Variants in TRAK1 observed in about 807,000 individuals in gnomAD.
TRAK1 encodes the protein trafficking kinesin protein 1.
A neutral mutation model predicts 92.1 loss-of-function variants in TRAK1; 33 were observed. That is an observed-to-expected ratio of 0.36 (90% CI 0.27 to 0.48). The LOEUF (loss-of-function observed/expected upper bound fraction) is 0.48, where lower values mean the gene tolerates loss of function less well. Ranked by LOEUF, TRAK1 falls within the 20% of genes least tolerant of loss-of-function variation. The probability of loss-of-function intolerance (pLI) is 0.99; values close to 1 mark genes in which losing one functional copy is unlikely to be tolerated. For missense variants in TRAK1, 1,123 were observed against 1,257.9 expected (o/e 0.89, Z 1.62); for synonymous variants, 521 against 517.3 (o/e 1.01, Z -0.10).
intron 1 of TRAK1, among the ~76,000 whole-genome samples, chr3:42,116,366 A>G (rs560295250): frequency 1.3e-5 from 2 of 152,352 alleles, no homozygotes; most frequent in African/African-American, 4.8e-5. Flanking sequence ...TATGGAAAGT[A>G]ATTACTAAGA....
intron 1 of TRAK1, among the ~76,000 whole-genome samples, chr3:42,034,652 G>T (rs1351511914): frequency 6.6e-6 from 1 of 151,990 alleles, no homozygotes; most frequent in East Asian, 1.9e-4. Context: ...TAGACTTTCC[G>T]TGTCTTTCTC....
intron 2 of TRAK1, chr3:42,145,750 A>G (rs1270937111): frequency 4.4e-5 from 9 of 205,620 alleles, no homozygotes; most frequent in Admixed American, 4.3e-4. Context: ...TGAATATTGC[A>G]TATTGTACTG....
rs1706756404 is a variant in TRAK1 at position 42,196,967 on chromosome 3, CTCTCTCTCTTTCTCTT to C, written c.1113+2036_1113+2051del. 2.9e-5 allele frequency among the ~76,000 whole-genome samples: 4 copies of C among 137,648 alleles called. No individual in the cohort carries two copies. The Admixed American group carries it at 3.2e-4, about 11-fold the overall frequency. 90.3% of individuals were successfully genotyped at this position (137,648 alleles called of 152,430 possible). A position where few individuals can be genotyped will look rare whatever the true frequency, so the allele number is the denominator to read the frequency against. On this transcript the variant is annotated intron_variant, in intron 10 of 15. Coordinates refer to ENST00000327628, the MANE Select transcript of TRAK1 (RefSeq NM_001042646.3). ...TCTCTCTCCTTTCTCCTCTCTCTCT[CTCTCTCTCTTTCTCTT>C]TCTCTCTCTCTCTCTCTCTCACACA...
At chr3:42,201,870 GGA>G in intron 12 of TRAK1, among the ~76,000 whole-genome samples, 1 of 126,988 alleles carries the variant, frequency 7.9e-6, no homozygotes, top group East Asian at 2.4e-4. Flanking sequence ...ACGGACGGAC[GGA>G]CGGACAGACG....
At chr3:42,222,335 G>C (rs994840557) in intron 15 of TRAK1, among the ~76,000 whole-genome samples, 4 of 152,124 alleles carry the variant, frequency 2.6e-5, no homozygotes, top group African/African-American at 9.7e-5. Context: ...AGGGCAGCAC[G>C]GTGCAGAGGA....
At chr3:42,112,756 ACC>A (rs1322020052) in intron 1 of TRAK1, among the ~76,000 whole-genome samples, 3 of 145,438 alleles carry the variant, frequency 2.1e-5, no homozygotes, top group East Asian at 2.0e-4. Context: ...AAAAAAAAAA[ACC>A]AACTAATTTT....
At chr3:42,107,102 G>C (rs182164904) in intron 1 of TRAK1, among the ~76,000 whole-genome samples, 271 of 152,332 alleles carry the variant, frequency 1.8e-3, no homozygotes, top group Non-Finnish European at 2.4e-3. Context: ...AGTCAGGACA[G>C]GGGGAGGGAT....
chr3:42,024,489 G>A (rs577176401), intron 1 of TRAK1, among the ~76,000 whole-genome samples: 1 of 152,232 alleles, frequency 6.6e-6, no homozygotes, highest in East Asian at 1.9e-4. Context: ...TTATAATTTT[G>A]CAGTGTTTAA....
intron 1 of TRAK1, among the ~76,000 whole-genome samples, chr3:42,092,403 A>G (rs568495156): frequency 6.6e-6 from 1 of 152,322 alleles, no homozygotes; most frequent in East Asian, 1.9e-4. Flanking sequence ...AATAAGCCTA[A>G]AGACACTTCA....
rs1702744663 is a variant in TRAK1 at position 42,046,261 on chromosome 3, G to T, written c.-519+32144G>T. ...TTGGAACCAGAAGCTTTGCTTCCTTGATAATCATGGTTTTGACTGAGCAAC... is the reference window on the plus strand; with the variant it reads ...TTGGAACCAGAAGCTTTGCTTCCTTTATAATCATGGTTTTGACTGAGCAAC... On this transcript the variant is annotated intron_variant, in intron 1 of 16. Transcript: ENST00000487159. 2.0e-5 allele frequency among the ~76,000 whole-genome samples: 3 copies of T among 151,522 alleles called. No homozygotes were observed. In the South Asian group the frequency reaches 6.3e-4, roughly 32 times the overall value.
intron 3 of TRAK1, among the ~76,000 whole-genome samples, chr3:42,178,398 G>A (rs1363877488): frequency 6.6e-6 from 1 of 152,068 alleles, no homozygotes; most frequent in Non-Finnish European, 1.5e-5. Flanking sequence ...TGTCACTGGG[G>A]ACATGGCTCC....
intron 1 of TRAK1, among the ~76,000 whole-genome samples, chr3:42,043,619 G>GA (rs1019605248): frequency 6.6e-6 from 1 of 151,370 alleles, no homozygotes; most frequent in Non-Finnish European, 1.5e-5. Flanking sequence ...TGGAGCTGGG[G>GA]GGGGGGCGGG....
chr3:42,188,268 C>A, intron 5 of TRAK1, 123 bp downstream of exon 5: 1 of 843,616 alleles, frequency 1.2e-6, no homozygotes, highest in Non-Finnish European at 2.0e-6. Flanking sequence ...TCTCAGCCTT[C>A]TCTGGACCAA....
intron 1 of TRAK1, among the ~76,000 whole-genome samples, chr3:42,056,523 A>G (rs537621817): frequency 1.3e-5 from 2 of 152,206 alleles, no homozygotes; most frequent in Non-Finnish European, 2.9e-5. Flanking sequence ...AAACATTTCA[A>G]CAGAAGCAGA....
chr3:42,209,979 A>T lies in TRAK1; in HGVS notation c.1957A>T (p.Thr653Ser), dbSNP rs777772737. ...ATSTPVQHPE[T>S]SAHHPGKCMS... The stretch of plus-strand genomic sequence containing the variant: ...CTCCACTCCAGTTCAGCACCCAGAG[A>T]CCTCAGGTGAGAGGTCCCAAGCACG... The change falls in exon 14 of 16, where the codon ACC becomes TCC. Residue 653 changes from threonine to serine, a missense_variant. Physicochemically the swap from Thr to Ser is moderately conservative, Grantham distance 58. This residue lies in a region of TRAK1 where 401 missense variants were observed against 438.9 expected (regional missense o/e 0.91). Coordinates refer to ENST00000327628, the MANE Select transcript of TRAK1 (RefSeq NM_001042646.3). 7 of 1,613,992 alleles carry T rather than the reference A, an allele frequency of 4.3e-6. No homozygotes were observed. In the Admixed American group the frequency reaches 5.0e-5, roughly 12 times the overall value.
At chr3:42,031,123 C>T (rs556365751) in intron 1 of TRAK1, among the ~76,000 whole-genome samples, 1 of 150,848 alleles carries the variant, frequency 6.6e-6, no homozygotes, top group South Asian at 2.1e-4. Flanking sequence ...GCAGCCTCCA[C>T]CTCCCAGATT....
rs905816933 is a variant in TRAK1 at position 42,176,862 on chromosome 3, T to C, written c.335T>C (p.Ile112Thr). The change falls in exon 3 of 16, where the codon ATA becomes ACA. Residue 112 changes from isoleucine (I) to threonine (T), a missense_variant. Physicochemically the swap from Ile to Thr is moderately conservative, Grantham distance 89 (BLOSUM62 -1). Around this residue, in one of 3 missense-constraint regions of TRAK1, gnomAD observed 686 missense variants for 747.6 expected, o/e 0.92. Transcript: ENST00000327628. ...CAGATGACTAAGACATATAATGACA[T>C]AGATGCTGTCACTCGGCTTCTTGAG... is the stretch of plus-strand genomic sequence containing the variant. ...VGQMTKTYND[I>T]DAVTRLLEEK... 1 of 1,614,156 alleles carries C rather than the reference T, an allele frequency of 6.2e-7. No homozygotes were observed. Among genetic ancestry groups the C allele is most frequent in the East Asian group, 2.2e-5 (1 of 44,892 alleles).
chr3:42,189,711 AG>A (rs1004598349), intron 6 of TRAK1, among the ~76,000 whole-genome samples: 4 of 152,148 alleles, frequency 2.6e-5, no homozygotes, highest in African/African-American at 7.2e-5. Flanking sequence ...TTGTATTTTT[AG>A]TAGAGACGAG....
At chr3:42,102,969 A>G (rs1271770980) in intron 1 of TRAK1, among the ~76,000 whole-genome samples, 30 of 152,214 alleles carry the variant, frequency 2.0e-4, no homozygotes, top group Admixed American at 2.0e-3. Context: ...TCATTGAGAT[A>G]TAATTCATGC....
Sources: gnomAD v4.1 joint callset for allele counts (sites outside exome capture counted in the v4.1 genomes callset) on GRCh38, gnomAD v4.1.1 for gene constraint, gnomAD v4.1.1 regional missense constraint, MANE v1.5 for transcripts, NCBI Gene and HGNC (gene_info 2026-07-23, HGNC 2026-07-21) for gene names.